Variants in PLB1 observed in about 807,000 individuals in gnomAD.
The protein encoded by PLB1 is phospholipase B1.
A neutral mutation model predicts 227.4 loss-of-function variants in PLB1; 242 were observed. The observed-to-expected ratio is 1.06, with a 90% CI of 0.96 to 1.18. PLB1 has a LOEUF of 1.18. Among genes scored for constraint, PLB1 ranks in the 50% most tolerant of loss-of-function variants. PLB1 has a pLI of 0.00. For missense variants in PLB1, 1,858 were observed against 1,816.3 expected (o/e 1.02, Z -0.42); for synonymous variants, 757 against 682.2 (o/e 1.11, Z -1.71).
At chr2:28,528,260 C>G (rs188902562) in intron 6 of PLB1, among the ~76,000 whole-genome samples, 1 of 152,256 alleles carries the variant, frequency 6.6e-6, no homozygotes, top group East Asian at 1.9e-4. Flanking sequence ...CAGGAAGCCC[C>G]GAGGCACTTC....
intron 55 of PLB1, 48 bp downstream of exon 55, chr2:28,632,188 C>A: frequency 7.0e-7 from 1 of 1,431,636 alleles, no homozygotes; most frequent in Non-Finnish European, 9.8e-7. Context: ...GGCCTTATCA[C>A]AGACGATGGA....
At chr2:28,624,945 T>A in intron 49 of PLB1, 112 bp from the exon 50 acceptor site, 1 of 992,702 alleles carries the variant, frequency 1.0e-6, no homozygotes, top group African/African-American at 1.6e-5. Context: ...ATGACCTTTG[T>A]ACTGGTAACA....
intron 54 of PLB1, among the ~76,000 whole-genome samples, chr2:28,631,716 G>A (rs752633762): frequency 6.7e-6 from 1 of 150,304 alleles, no homozygotes; most frequent in Non-Finnish European, 1.5e-5. Flanking sequence ...AATCTGGTCA[G>A]TGGCTCAGAC....
intron 26 of PLB1, among the ~76,000 whole-genome samples, chr2:28,588,597 G>A (rs73922185): frequency 0.033 from 4,983 of 152,272 alleles, 167 homozygotes; most frequent in African/African-American, 0.084. Context: ...CTGGTGAGCA[G>A]TGGAATGGCT....
chr2:28,624,994 C>T, intron 49 of PLB1, 63 bp from the exon 50 acceptor site: 1 of 1,493,698 alleles, frequency 6.7e-7, no homozygotes. Context: ...AGGCCAAAAT[C>T]CCATGTCGTG....
chr2:28,541,844 T>C (rs751434996), intron 13 of PLB1, 33 bp downstream of exon 13: 1 of 1,547,580 alleles, frequency 6.5e-7, no homozygotes, highest in East Asian at 2.2e-5. Context: ...ATCAAGAGTG[T>C]GGTGGGGGCC....
intron 4 of PLB1, among the ~76,000 whole-genome samples, chr2:28,523,335 GTTTTT>G (rs199936505): frequency 5.1e-5 from 6 of 116,892 alleles, no homozygotes; most frequent in Admixed American, 3.7e-4. Context: ...TATCTGCGAG[GTTTTT>G]TTTTTTTTTT....
chr2:28,573,118 C>T, intron 20 of PLB1, 79 bp from the exon 21 acceptor site: 1 of 1,110,270 alleles, frequency 9.0e-7, no homozygotes. Context: ...TGTTCCCTAA[C>T]ACCCACTGGT....
intron 41 of PLB1, among the ~76,000 whole-genome samples, 164 bp from the exon 42 acceptor site, chr2:28,605,689 C>A (rs1025070128): frequency 6.6e-6 from 1 of 152,132 alleles, no homozygotes; most frequent in East Asian, 1.9e-4. Flanking sequence ...TTTGTGGGAT[C>A]GCTCTGATCT....
intron 17 of PLB1, among the ~76,000 whole-genome samples, chr2:28,558,077 G>A (rs1023791773): frequency 2.0e-5 from 3 of 152,010 alleles, no homozygotes; most frequent in Non-Finnish European, 2.9e-5. Context: ...CTTTCAGGGC[G>A]GTATGGCCAT....
intron 14 of PLB1, among the ~76,000 whole-genome samples, chr2:28,547,193 C>T (rs72789759): frequency 0.24 from 32,539 of 133,448 alleles, 4,092 homozygotes; most frequent in Admixed American, 0.3. Context: ...GAGAATGAGA[C>T]CCTGTCTCCA....
At chr2:28,592,551 C>G in intron 31 of PLB1, 110 bp from the exon 32 acceptor site, 1 of 1,061,976 alleles carries the variant, frequency 9.4e-7, no homozygotes, top group Non-Finnish European at 1.5e-6. Context: ...CCCTGCATGG[C>G]CCCAGTGCTC....
At chr2:28,628,723 G>A in intron 52 of PLB1, 95 bp downstream of exon 52, 3 of 1,209,132 alleles carry the variant, frequency 2.5e-6, no homozygotes, top group African/African-American at 1.5e-5. Flanking sequence ...ACGGAGCAGA[G>A]ACCCGCCATG....
rs1680133670 is a variant in PLB1 at position 28,582,149 on chromosome 2, C to T, written c.1632+16C>T. On this transcript the variant is annotated intron_variant, in intron 24 of 57. Transcript: ENST00000327757. Reference sequence around the variant, plus strand: ...CCATGCTGAGGTACGGAGGCTAGGCCATGAGGCCTGCATCTTAGACCTCAG... The same window carrying T: ...CCATGCTGAGGTACGGAGGCTAGGCTATGAGGCCTGCATCTTAGACCTCAG... The T allele has an allele frequency of 6.2e-7, 1 of 1,610,580 alleles. No homozygotes were observed. Among genetic ancestry groups the T allele is most frequent in the South Asian group, 1.1e-5 (1 of 90,992 alleles).
At chr2:28,547,114 T>A (rs1471219478) in intron 14 of PLB1, among the ~76,000 whole-genome samples, 1 of 147,822 alleles carries the variant, frequency 6.8e-6, no homozygotes, top group African/African-American at 2.5e-5. Flanking sequence ...GGTGGGAGAA[T>A]CACCGGAGCT....
chr2:28,613,678 TA>T (rs943392545), intron 43 of PLB1, among the ~76,000 whole-genome samples: 55 of 152,104 alleles, frequency 3.6e-4, no homozygotes, highest in Non-Finnish European at 3.8e-4. Flanking sequence ...TCTGGAAGAT[TA>T]AAAAAATGCT....
chr2:28,529,856 C>A (rs1670787938), intron 8 of PLB1, 77 bp downstream of exon 8: 2 of 1,420,764 alleles, frequency 1.4e-6, no homozygotes, highest in Admixed American at 1.7e-5. Context: ...GTGATGATGA[C>A]CCTCGTACCA....
intron 24 of PLB1, 114 bp from the exon 25 acceptor site, chr2:28,582,291 G>A (rs1680163426): frequency 1.7e-6 from 2 of 1,173,998 alleles, no homozygotes; most frequent in Non-Finnish European, 2.5e-6. Flanking sequence ...GGAAGTGGAT[G>A]GGGGCAGATG....
intron 1 of PLB1, among the ~76,000 whole-genome samples, chr2:28,506,016 C>T (rs1226515155): frequency 1.3e-5 from 2 of 152,288 alleles, no homozygotes; most frequent in East Asian, 3.9e-4. Context: ...GTTCTACTTT[C>T]CTGGGATGTC....
Sources: gnomAD v4.1 joint callset for allele counts (sites outside exome capture counted in the v4.1 genomes callset) on GRCh38, gnomAD v4.1.1 for gene constraint, MANE v1.5 for transcripts, NCBI Gene and HGNC (gene_info 2026-07-23, HGNC 2026-07-21) for gene names.